The following ADGRV1 variants were observed in gnomAD, a reference collection of about 807,000 sequenced individuals.
ADGRV1 encodes the protein adhesion G protein-coupled receptor V1, also known as G-protein coupled receptor 98.
ADGRV1 carries 359 observed loss-of-function variants against 596.2 expected under a neutral mutation model. The ratio of observed to expected loss-of-function variants is 0.60; its 90% CI spans 0.55 to 0.66. The LOEUF (loss-of-function observed/expected upper bound fraction) is 0.66, where lower values mean the gene tolerates loss of function less well. Ranked by LOEUF, ADGRV1 falls within the 30% of genes least tolerant of loss-of-function variation. The pLI is 0.00. For missense variants in ADGRV1, 7,274 were observed against 7,575.6 expected (o/e 0.96, Z 1.48); for synonymous variants, 2,681 against 2,679.2 (o/e 1.00, Z -0.02).
intron 27 of ADGRV1, 57 bp downstream of exon 27, chr5:90,681,511 C>T: frequency 6.5e-7 from 1 of 1,527,704 alleles, no homozygotes; most frequent in Non-Finnish European, 8.9e-7. Context: ...AAAAACTGTA[C>T]TGTGCTATGA....
intron 83 of ADGRV1, among the ~76,000 whole-genome samples, chr5:90,955,872 A>T (rs1467678840): frequency 6.6e-6 from 1 of 152,072 alleles, no homozygotes; most frequent in African/African-American, 2.4e-5. Flanking sequence ...AGGAATAACA[A>T]TTTTTTTTAA....
At position 90,692,748 on chromosome 5, in the gene ADGRV1, G is replaced by A. The variant is rs794727564; in HGVS notation, c.7095G>A (p.Leu2365=). 1.2e-6 allele frequency: 2 copies of A among 1,605,778 alleles called. No homozygotes were observed. Among genetic ancestry groups the A allele is most frequent in the Non-Finnish European group, 8.5e-7 (1 of 1,176,164 alleles). ...AQMVYRVQEP[L]ERSSCANITV... ...TGGTTTATCGTGTTCAAGAGCCTCT[G>A]GAAAGAAGTTCCTGTGCTAATATAA... The change falls in exon 32 of 90, where the codon CTG becomes CTA. Residue 2365 remains leucine (L), a synonymous_variant. Coordinates refer to ENST00000405460, the MANE Select transcript of ADGRV1 (RefSeq NM_032119.4).
intron 87 of ADGRV1, among the ~76,000 whole-genome samples, chr5:91,122,535 T>C (rs1185163982): frequency 2.0e-5 from 3 of 152,236 alleles, no homozygotes; most frequent in Admixed American, 2.0e-4. Context: ...ACATTACTAC[T>C]TCATACCTCT....
At chr5:90,718,352 T>C (rs1225655679) in intron 43 of ADGRV1, 2 of 152,230 alleles carry the variant, frequency 1.3e-5, no homozygotes, top group African/African-American at 4.8e-5. Flanking sequence ...TTTTATTGTA[T>C]GTATATACCG....
intron 85 of ADGRV1, among the ~76,000 whole-genome samples, chr5:90,995,547 G>A (rs916138545): frequency 6.6e-6 from 1 of 152,118 alleles, no homozygotes. Flanking sequence ...ATAGGAGTGC[G>A]AGAATGGACT....
At chr5:90,879,258 C>T (rs769078298) in intron 83 of ADGRV1, among the ~76,000 whole-genome samples, 4 of 152,056 alleles carry the variant, frequency 2.6e-5, no homozygotes, top group Non-Finnish European at 5.9e-5. Context: ...AGAGAAAGGC[C>T]CTTATATTCA....
At chr5:90,967,339 A>C (rs1041974881) in intron 84 of ADGRV1, among the ~76,000 whole-genome samples, 1 of 152,172 alleles carries the variant, frequency 6.6e-6, no homozygotes, top group African/African-American at 2.4e-5. Flanking sequence ...AGCAGTTTTA[A>C]TCATGGAAAA....
At chr5:90,895,297 A>G (rs575441956) in intron 83 of ADGRV1, among the ~76,000 whole-genome samples, 4 of 152,326 alleles carry the variant, frequency 2.6e-5, no homozygotes, top group Non-Finnish European at 4.4e-5. Flanking sequence ...GAAGGGGTAC[A>G]TAAACACACT....
At chr5:90,794,659 G>A (rs1240084185) in intron 70 of ADGRV1, among the ~76,000 whole-genome samples, 1 of 152,150 alleles carries the variant, frequency 6.6e-6, no homozygotes, top group Non-Finnish European at 1.5e-5. Flanking sequence ...TGTGCCCAAT[G>A]CCATCAAGAA....
chr5:90,718,188 A>T (rs1419935069), intron 43 of ADGRV1: 1 of 152,270 alleles, frequency 6.6e-6, no homozygotes, highest in East Asian at 1.9e-4. Context: ...TTCTGTCTCT[A>T]TGAATTTGCC....
At chr5:90,761,900 G>A (rs1022116972) in intron 58 of ADGRV1, among the ~76,000 whole-genome samples, 1 of 152,128 alleles carries the variant, frequency 6.6e-6, no homozygotes, top group Non-Finnish European at 1.5e-5. Flanking sequence ...TATCACAAAA[G>A]TTTCTTGGTA....
chr5:91,035,974 T>C (rs138494675), intron 85 of ADGRV1, among the ~76,000 whole-genome samples: 3 of 148,712 alleles, frequency 2.0e-5, no homozygotes, highest in African/African-American at 7.4e-5. Context: ...AACAAAAATA[T>C]GAGATAAAGG....
chr5:90,689,540 T>C (rs780616309), intron 29 of ADGRV1, among the ~76,000 whole-genome samples: 2 of 152,036 alleles, frequency 1.3e-5, no homozygotes, highest in Non-Finnish European at 2.9e-5. Flanking sequence ...ATTTTTTTCT[T>C]GTAGTTAAGG....
intron 83 of ADGRV1, among the ~76,000 whole-genome samples, chr5:90,934,961 T>C (rs1775554742): frequency 6.6e-6 from 1 of 152,168 alleles, no homozygotes; most frequent in African/African-American, 2.4e-5. Context: ...CATAACTTCA[T>C]CCAACCTCAT....
chr5:90,930,083 G>T (rs982348389), intron 83 of ADGRV1, among the ~76,000 whole-genome samples: 1 of 151,902 alleles, frequency 6.6e-6, no homozygotes, highest in Non-Finnish European at 1.5e-5. Context: ...TCTTCTTTTT[G>T]TTGTTTCTTT....
At chr5:90,993,702 A>G (rs1469156201) in intron 85 of ADGRV1, among the ~76,000 whole-genome samples, 1 of 151,952 alleles carries the variant, frequency 6.6e-6, no homozygotes, top group Non-Finnish European at 1.5e-5. Flanking sequence ...TTTGGCTTTC[A>G]ACAGTTTATA....
chr5:90,833,442 A>G (rs907962475), intron 77 of ADGRV1, among the ~76,000 whole-genome samples: 18 of 151,958 alleles, frequency 1.2e-4, no homozygotes, highest in African/African-American at 4.3e-4. Flanking sequence ...ACACCACCAC[A>G]CCTGGCTAAT....
chr5:90,654,272 T>C, intron 20 of ADGRV1: 1 of 341,352 alleles, frequency 2.9e-6, no homozygotes. Flanking sequence ...CTGTGGGTAG[T>C]AGGAGAGATG....
chr5:91,102,183 T>G lies in ADGRV1; in HGVS notation c.18311-36T>G, dbSNP rs1354919745. On this transcript the variant is annotated intron_variant, in intron 86 of 89. Coordinates refer to ENST00000405460, the MANE Select transcript of ADGRV1 (RefSeq NM_032119.4). ...GTGTATACATGTGACTGTGCAGTAT[T>G]CTGAAGCTCAAAAATTCTTTTTTTT... 15 of 1,579,572 alleles carry G rather than the reference T, an allele frequency of 9.5e-6. No homozygotes were observed. The Admixed American group carries it at 2.7e-4, about 28-fold the overall frequency.
Sources: gnomAD v4.1 joint callset for allele counts (sites outside exome capture counted in the v4.1 genomes callset) on GRCh38, gnomAD v4.1.1 for gene constraint, MANE v1.5 for transcripts, NCBI Gene and HGNC (gene_info 2026-07-23, HGNC 2026-07-21) for gene names.